SDK1: variants seen among roughly 807,000 people sequenced by gnomAD.
SDK1 encodes the protein sidekick cell adhesion molecule 1.
Under a neutral mutation model 245.5 loss-of-function variants are expected in SDK1, and 157 were observed. The observed-to-expected ratio is 0.64, with a 90% CI of 0.56 to 0.73. The LOEUF is 0.73. SDK1 is among the 30% of genes least tolerant of loss of function. The pLI is 0.00. For synonymous variants in SDK1, 1,647 were observed against 1,278.5 expected, an observed-to-expected ratio of 1.29 and a Z score of -6.15; for missense variants, 3,583 against 3,002.3, an observed-to-expected ratio of 1.19 and a Z score of -4.52.
At chr7:3,889,554 C>G (rs1318947666) in intron 5 of SDK1, among the ~76,000 whole-genome samples, 1 of 152,114 alleles carries the variant, frequency 6.6e-6, no homozygotes, top group African/African-American at 2.4e-5. Context: ...GCCACCCAGG[C>G]TGGAGTGCAG....
chr7:4,106,743 TTCTC>T (rs1782945933), intron 22 of SDK1, among the ~76,000 whole-genome samples: 1 of 152,070 alleles, frequency 6.6e-6, no homozygotes, highest in Non-Finnish European at 1.5e-5. Flanking sequence ...GCGCGTGCCT[TTCTC>T]TCCCGGGCAG....
chr7:3,545,106 A>G (rs1308220683), intron 1 of SDK1, among the ~76,000 whole-genome samples: 1 of 152,094 alleles, frequency 6.6e-6, no homozygotes, highest in African/African-American at 2.4e-5. Flanking sequence ...TATTGGCACC[A>G]CATGTTACAG....
intron 1 of SDK1, among the ~76,000 whole-genome samples, chr7:3,615,598 G>A (rs1053064579): frequency 6.6e-6 from 1 of 151,722 alleles, no homozygotes; most frequent in Non-Finnish European, 1.5e-5. Context: ...GCTGATTACA[G>A]AGGCTGGTAC....
intron 4 of SDK1, among the ~76,000 whole-genome samples, chr7:3,702,895 A>G (rs1467676990): frequency 2.6e-5 from 4 of 151,054 alleles, no homozygotes; most frequent in Non-Finnish European, 4.4e-5. Flanking sequence ...AGAGATCACT[A>G]GCTATTAGAA....
chr7:3,984,466 G>A (rs1232213956), intron 13 of SDK1, among the ~76,000 whole-genome samples: 4 of 152,132 alleles, frequency 2.6e-5, no homozygotes, highest in Non-Finnish European at 4.4e-5. Context: ...TTTAGAATTC[G>A]ATCAAACATA....
intron 1 of SDK1, among the ~76,000 whole-genome samples, chr7:3,417,400 T>C (rs1357274072): frequency 1.3e-5 from 2 of 152,192 alleles, no homozygotes; most frequent in African/African-American, 4.8e-5. Flanking sequence ...GCCAAACTTT[T>C]TTTCAGCCAT....
rs541991451 is a variant in SDK1 at position 4,196,870 on chromosome 7, A to C, written c.5099-9009A>C. Among the ~76,000 whole-genome samples, 121 of 152,340 alleles carry C rather than the reference A, an allele frequency of 7.9e-4. 1 individual carries two copies. The highest frequency in any genetic ancestry group is 2.8e-3 in the African/African-American group (117 of 41,590). On this transcript the variant is annotated intron_variant, in intron 35 of 44. Coordinates refer to ENST00000404826, the MANE Select transcript of SDK1 (RefSeq NM_152744.4). ...TCTGATGGATGTTGACTCTTGGCTAACAAGGGCTGCCTCTCTCCATCCCCT... is the reference window on the plus strand; with the variant it reads ...TCTGATGGATGTTGACTCTTGGCTACCAAGGGCTGCCTCTCTCCATCCCCT...
At chr7:4,067,500 C>A (rs899596077) in intron 19 of SDK1, among the ~76,000 whole-genome samples, 3 of 152,188 alleles carry the variant, frequency 2.0e-5, no homozygotes, top group Non-Finnish European at 4.4e-5. Flanking sequence ...GAGGAACACT[C>A]AGAGGAGGCA....
intron 25 of SDK1, among the ~76,000 whole-genome samples, chr7:4,116,453 G>A (rs1229216056): frequency 6.6e-6 from 1 of 152,214 alleles, no homozygotes; most frequent in Non-Finnish European, 1.5e-5. Context: ...CCACAGCGTG[G>A]AAGGGCCTGG....
At chr7:4,207,396 A>G (rs1175054839) in intron 36 of SDK1, among the ~76,000 whole-genome samples, 1 of 152,164 alleles carries the variant, frequency 6.6e-6, no homozygotes, top group Non-Finnish European at 1.5e-5. Flanking sequence ...TAGGGAAGCA[A>G]TTCTGGCAAC....
chr7:3,643,654 C>G (rs897671911), intron 4 of SDK1: 8 of 139,200 alleles, frequency 5.7e-5, no homozygotes, highest in African/African-American at 1.9e-4. Context: ...TCTCTTCTCC[C>G]ATCCCCACCT....
chr7:3,901,181 TTTTTTTC>T (rs1257611742), intron 5 of SDK1, among the ~76,000 whole-genome samples: 4 of 152,204 alleles, frequency 2.6e-5, no homozygotes, highest in African/African-American at 4.8e-5. Flanking sequence ...TAACTGTCTT[TTTTTTTC>T]TTTTTTCTTT....
chr7:3,684,998 C>G (rs957509594), intron 4 of SDK1, among the ~76,000 whole-genome samples: 1 of 151,904 alleles, frequency 6.6e-6, no homozygotes, highest in Admixed American at 6.6e-5. Flanking sequence ...ACCTGTGGGA[C>G]AAGACTGAGA....
intron 1 of SDK1, among the ~76,000 whole-genome samples, chr7:3,430,809 T>G (rs1243241074): frequency 2.0e-5 from 3 of 152,190 alleles, no homozygotes; most frequent in Non-Finnish European, 4.4e-5. Context: ...CTCCGGTGGA[T>G]GGAATGAAGC....
At chr7:3,679,417 A>T (rs1002254566) in intron 4 of SDK1, among the ~76,000 whole-genome samples, 1 of 152,086 alleles carries the variant, frequency 6.6e-6, no homozygotes, top group Non-Finnish European at 1.5e-5. Flanking sequence ...ATACAAAAAA[A>T]TTAGCCGGGC....
chr7:3,640,617 C>G (rs1444759568), intron 3 of SDK1, among the ~76,000 whole-genome samples: 1 of 152,124 alleles, frequency 6.6e-6, no homozygotes, highest in Non-Finnish European at 1.5e-5. Context: ...TTATTAAACT[C>G]TGTTTTATAA....
chr7:3,323,848 A>G (rs900806322), intron 1 of SDK1, among the ~76,000 whole-genome samples: 1 of 152,186 alleles, frequency 6.6e-6, no homozygotes, highest in Admixed American at 6.5e-5. Flanking sequence ...TCTGCCTAGC[A>G]CAGTGTTTAT....
At chr7:4,094,003 A>G (rs1222870957) in intron 22 of SDK1, among the ~76,000 whole-genome samples, 2 of 152,142 alleles carry the variant, frequency 1.3e-5, no homozygotes, top group African/African-American at 4.8e-5. Flanking sequence ...GTTGAAGCCC[A>G]TACAATCCGG....
chr7:3,943,056 G>C (rs1457865737), intron 5 of SDK1, among the ~76,000 whole-genome samples: 1 of 152,208 alleles, frequency 6.6e-6, no homozygotes, highest in Non-Finnish European at 1.5e-5. Context: ...GTTTCAAGAG[G>C]CGTATTCGCC....
Sources: gnomAD v4.1 joint callset for allele counts (sites outside exome capture counted in the v4.1 genomes callset) on GRCh38, gnomAD v4.1.1 for gene constraint, MANE v1.5 for transcripts, NCBI Gene and HGNC (gene_info 2026-07-23, HGNC 2026-07-21) for gene names.